PRKCI: variants seen among roughly 807,000 people sequenced by gnomAD.
PRKCI encodes protein kinase C iota.
PRKCI carries 43 observed loss-of-function variants against 84.0 expected under a neutral mutation model. The ratio of observed to expected loss-of-function variants is 0.51; its 90% CI spans 0.40 to 0.66. The LOEUF (loss-of-function observed/expected upper bound fraction) is 0.66, where lower values mean the gene tolerates loss of function less well. PRKCI is among the 30% of genes least tolerant of loss of function. The probability of loss-of-function intolerance (pLI) is 0.00; values close to 1 mark genes in which losing one functional copy is unlikely to be tolerated. For missense variants in PRKCI, 459 were observed against 745.6 expected (o/e 0.62, Z 4.48); for synonymous variants, 216 against 234.4 (o/e 0.92, Z 0.72).
At chr3:170,287,927 A>G (rs1308106475) in intron 12 of PRKCI, among the ~76,000 whole-genome samples, 6 of 150,942 alleles carry the variant, frequency 4.0e-5, no homozygotes, top group East Asian at 1.9e-4. Context: ...AAAAAAAAAA[A>G]AAAGAAAATC....
chr3:170,228,082 C>T, intron 1 of PRKCI, among the ~76,000 whole-genome samples: 1 of 152,070 alleles, frequency 6.6e-6, no homozygotes, highest in South Asian at 2.1e-4. Flanking sequence ...TGGAACAATT[C>T]ACTGAATTTT....
rs1254638218 is a variant in PRKCI at position 170,280,354 on chromosome 3, G to A, written c.833G>A (p.Arg278His). 1.9e-6 allele frequency: 3 copies of A among 1,613,596 alleles called. No individual in the cohort carries two copies. Among genetic ancestry groups the A allele is most frequent in the Admixed American group, 1.7e-5 (1 of 59,970 alleles). The change falls in exon 9 of 18, where the codon CGT becomes CAT. Residue 278 changes from arginine to histidine, a missense_variant. Coordinates refer to ENST00000295797, the MANE Select transcript of PRKCI (RefSeq NM_002740.6). ...TTGGTTCGATTAAAAAAAACAGATC[G>A]TATTTATGCAATGAAAGTTGTGAAA... is the stretch of plus-strand genomic sequence containing the variant. ...VLLVRLKKTD[R>H]IYAMKVVKKE...
chr3:170,291,795 G>C, intron 12 of PRKCI, 59 bp from the exon 13 acceptor site: 1 of 1,326,502 alleles, frequency 7.5e-7, no homozygotes, highest in South Asian at 1.2e-5. Flanking sequence ...AAATAGAAAG[G>C]GTGAATTTAA....
At chr3:170,268,157 A>G (rs926142561) in intron 5 of PRKCI, among the ~76,000 whole-genome samples, 157 bp downstream of exon 5, 5 of 152,234 alleles carry the variant, frequency 3.3e-5, no homozygotes, top group African/African-American at 9.6e-5. Flanking sequence ...CAGTATGCCT[A>G]TAATTTTTAA....
At chr3:170,229,728 T>C (rs1304440549) in intron 1 of PRKCI, among the ~76,000 whole-genome samples, 1 of 152,258 alleles carries the variant, frequency 6.6e-6, no homozygotes, top group Non-Finnish European at 1.5e-5. Context: ...GTCAAAGATA[T>C]GCCTATCTTG....
intron 2 of PRKCI, among the ~76,000 whole-genome samples, chr3:170,257,300 G>C (rs769015298): frequency 3.3e-5 from 5 of 152,168 alleles, no homozygotes; most frequent in Non-Finnish European, 7.3e-5. Context: ...CTGCAAGAGA[G>C]ATCACCTAGA....
chr3:170,264,096 CCT>C (rs1272917060), intron 4 of PRKCI, among the ~76,000 whole-genome samples: 1 of 152,120 alleles, frequency 6.6e-6, no homozygotes, highest in Non-Finnish European at 1.5e-5. Flanking sequence ...TAACGTTTTC[CCT>C]GTTTGCTTTA....
At chr3:170,262,355 T>C (rs1733748150) in intron 3 of PRKCI, among the ~76,000 whole-genome samples, 1 of 151,908 alleles carries the variant, frequency 6.6e-6, no homozygotes, top group South Asian at 2.1e-4. Flanking sequence ...CTTGTCCTAC[T>C]ATACCAAGGA....
At chr3:170,252,199 G>A (rs1733468370) in intron 2 of PRKCI, among the ~76,000 whole-genome samples, 1 of 149,872 alleles carries the variant, frequency 6.7e-6, no homozygotes, top group Admixed American at 6.6e-5. Flanking sequence ...GGGTGACAGA[G>A]CGAGACTCCG....
intron 3 of PRKCI, among the ~76,000 whole-genome samples, chr3:170,260,407 G>A (rs954832351): frequency 9.9e-5 from 15 of 152,066 alleles, no homozygotes; most frequent in African/African-American, 3.4e-4. Context: ...GACCTCCAAA[G>A]GTAAGGTATC....
At chr3:170,276,725 C>T (rs190468405) in intron 8 of PRKCI, among the ~76,000 whole-genome samples, 31 of 152,146 alleles carry the variant, frequency 2.0e-4, no homozygotes, top group African/African-American at 6.3e-4. Flanking sequence ...ACATTGGCCC[C>T]GGCAAAGAAT....
rs752932120 is a variant in PRKCI, at chr3:170,281,832, C to T, written c.981-50C>T. The T allele has an allele frequency of 3.9e-6, 6 of 1,534,248 alleles. No individual in the cohort carries two copies. In the South Asian group the frequency reaches 3.9e-5, roughly 10 times the overall value. ...GATGGTTTCTGAAAATGCAAAGTTA[C>T]ACTACCTTATTTTGGATCTTGATTT... On this transcript the variant is annotated intron_variant, in intron 10 of 17. Transcript: ENST00000295797.
chr3:170,278,749 CA>C (rs1409021781), intron 8 of PRKCI, among the ~76,000 whole-genome samples: 2 of 152,200 alleles, frequency 1.3e-5, no homozygotes, highest in Non-Finnish European at 2.9e-5. Context: ...GCAGGCTGAT[CA>C]GTAAGTATTG....
intron 2 of PRKCI, among the ~76,000 whole-genome samples, chr3:170,249,565 G>A (rs1204565520): frequency 6.6e-6 from 1 of 152,084 alleles, no homozygotes; most frequent in African/African-American, 2.4e-5. Flanking sequence ...AAGGTGAGAC[G>A]ATTGCTTGAG....
intron 2 of PRKCI, among the ~76,000 whole-genome samples, chr3:170,250,846 T>C (rs1733426215): frequency 6.6e-6 from 1 of 152,188 alleles, no homozygotes; most frequent in Admixed American, 6.5e-5. Context: ...CTATATACAC[T>C]TAGACTTGTT....
chr3:170,299,016 C>T lies in PRKCI; in HGVS notation c.1609C>T (p.Pro537Ser), dbSNP rs1216250049. 1 of 1,612,610 alleles carries T rather than the reference C, an allele frequency of 6.2e-7. No homozygotes were observed. The highest frequency in any genetic ancestry group is 1.9e-4 in the Middle Eastern group (1 of 5,390). Residue 537 changes from proline to serine, a missense_variant, in exon 17 of 18, where the codon CCT becomes TCT. Transcript: ENST00000295797. ...WDMMEQKQVV[P>S]PFKPNISGEF... ...TCAGATGGAGCAAAAACAGGTGGTA[C>T]CTCCCTTTAAACCAAATATTTCTGG...
At chr3:170,238,781 G>A (rs1435110211) in intron 2 of PRKCI, among the ~76,000 whole-genome samples, 1 of 151,878 alleles carries the variant, frequency 6.6e-6, no homozygotes, top group East Asian at 1.9e-4. Context: ...TAGTAGAGAC[G>A]GGGTTTCACC....
intron 2 of PRKCI, among the ~76,000 whole-genome samples, chr3:170,243,844 A>G (rs1025502228): frequency 6.6e-6 from 1 of 152,190 alleles, no homozygotes; most frequent in African/African-American, 2.4e-5. Flanking sequence ...TCTGTTCTTC[A>G]GACGGACCTT....
At chr3:170,248,051 A>G (rs903256624) in intron 2 of PRKCI, among the ~76,000 whole-genome samples, 2 of 152,164 alleles carry the variant, frequency 1.3e-5, no homozygotes, top group African/African-American at 2.4e-5. Context: ...GTGGGAACAG[A>G]GAGTGAGAGT....
Sources: gnomAD v4.1 joint callset for allele counts (sites outside exome capture counted in the v4.1 genomes callset) on GRCh38, gnomAD v4.1.1 for gene constraint, MANE v1.5 for transcripts, NCBI Gene and HGNC (gene_info 2026-07-23, HGNC 2026-07-21) for gene names.